TBL1XR1: variants seen among roughly 807,000 people sequenced by gnomAD.
TBL1XR1 encodes the protein TBL1X/Y related 1, also known as F-box-like/WD repeat-containing protein TBL1XR1.
A neutral mutation model predicts 66.9 loss-of-function variants in TBL1XR1; 5 were observed. That is an observed-to-expected ratio of 0.07 (90% CI 0.04 to 0.16). The LOEUF is 0.16. TBL1XR1 is among the 10% of genes least tolerant of loss of function. TBL1XR1 has a pLI of 1.00. For synonymous variants in TBL1XR1, 210 were observed against 206.0 expected, an observed-to-expected ratio of 1.02 and a Z score of -0.17; for missense variants, 238 against 623.2, an observed-to-expected ratio of 0.38 and a Z score of 6.58.
intron 1 of TBL1XR1, among the ~76,000 whole-genome samples, chr3:177,173,372 T>G (rs1733791641): frequency 6.6e-6 from 1 of 152,160 alleles, no homozygotes; most frequent in Non-Finnish European, 1.5e-5. Context: ...AACAGTAATT[T>G]CAGAGCGAAG....
chr3:177,157,514 C>T (rs148416384), intron 1 of TBL1XR1, among the ~76,000 whole-genome samples: 84 of 152,286 alleles, frequency 5.5e-4, no homozygotes, highest in African/African-American at 1.8e-3. Flanking sequence ...ATTCAGAACA[C>T]TCTGGGTTAT....
intron 1 of TBL1XR1, among the ~76,000 whole-genome samples, chr3:177,188,131 C>T (rs1735673965): frequency 6.6e-6 from 1 of 151,882 alleles, no homozygotes; most frequent in African/African-American, 2.4e-5. Context: ...GGGGTTTTAC[C>T]ATGTTGGTCA....
intron 1 of TBL1XR1, among the ~76,000 whole-genome samples, chr3:177,107,391 G>C (rs575078588): frequency 2.2e-4 from 34 of 152,302 alleles, no homozygotes; most frequent in African/African-American, 7.0e-4. Context: ...GACAGTATCA[G>C]CAAATGCTTT....
At chr3:177,176,415 T>G (rs894286319) in intron 1 of TBL1XR1, among the ~76,000 whole-genome samples, 2 of 149,696 alleles carry the variant, frequency 1.3e-5, no homozygotes, top group African/African-American at 4.9e-5. Flanking sequence ...CAGGCTGGTC[T>G]CGAACTCCTG....
intron 9 of TBL1XR1, among the ~76,000 whole-genome samples, chr3:177,046,512 T>C (rs1716346052): frequency 1.3e-5 from 2 of 152,182 alleles, no homozygotes; most frequent in African/African-American, 4.8e-5. Context: ...CTCGTATAGA[T>C]GTTTAGTAAG....
chr3:177,160,260 G>A (rs759465639), intron 1 of TBL1XR1, among the ~76,000 whole-genome samples: 10 of 152,094 alleles, frequency 6.6e-5, no homozygotes, highest in South Asian at 6.2e-4. Context: ...GCATCATGAC[G>A]TCAGGAGATC....
intron 14 of TBL1XR1, among the ~76,000 whole-genome samples, chr3:177,031,241 T>C (rs1713956010): frequency 6.6e-6 from 1 of 152,086 alleles, no homozygotes; most frequent in Non-Finnish European, 1.5e-5. Context: ...TTACAGAATA[T>C]ATCCAACATA....
intron 2 of TBL1XR1, among the ~76,000 whole-genome samples, chr3:177,090,762 G>T (rs1722727445): frequency 1.3e-5 from 2 of 152,250 alleles, no homozygotes; most frequent in East Asian, 3.9e-4. Flanking sequence ...AGTGAGCCAA[G>T]ATCACGCCAC....
chr3:177,059,908 T>C (rs370350383), intron 3 of TBL1XR1, among the ~76,000 whole-genome samples: 2 of 152,226 alleles, frequency 1.3e-5, no homozygotes, highest in African/African-American at 2.4e-5. Context: ...CTAGATTTGC[T>C]GAGTCTTCCA....
chr3:177,136,095 T>C (rs1169932473), intron 1 of TBL1XR1: 1 of 152,054 alleles, frequency 6.6e-6, no homozygotes, highest in Non-Finnish European at 1.5e-5. Flanking sequence ...GTAAAATAAA[T>C]TTAGTGAGCC....
intron 10 of TBL1XR1, among the ~76,000 whole-genome samples, chr3:177,043,535 G>C (rs1187892265): frequency 6.6e-6 from 1 of 152,032 alleles, no homozygotes. Flanking sequence ...CACTTGATTA[G>C]TGATAGCATG....
At chr3:177,133,723 G>A (rs1728573824) in intron 1 of TBL1XR1, among the ~76,000 whole-genome samples, 2 of 151,804 alleles carry the variant, frequency 1.3e-5, no homozygotes, top group Admixed American at 1.3e-4. Context: ...CCAACATGGT[G>A]AAACCCCATC....
intron 1 of TBL1XR1, among the ~76,000 whole-genome samples, chr3:177,151,496 C>T (rs1415959027): frequency 6.6e-6 from 1 of 152,208 alleles, no homozygotes; most frequent in Admixed American, 6.5e-5. Context: ...GGGACTTAGA[C>T]TGTACGCTCC....
At chr3:177,060,179 C>A (rs1560128408) in intron 3 of TBL1XR1, among the ~76,000 whole-genome samples, 1 of 152,150 alleles carries the variant, frequency 6.6e-6, no homozygotes, top group Non-Finnish European at 1.5e-5. Context: ...AGTCAATTCC[C>A]CCTAATAAGC....
intron 1 of TBL1XR1, among the ~76,000 whole-genome samples, chr3:177,193,252 A>G (rs755281393): frequency 1.1e-4 from 16 of 149,868 alleles, no homozygotes; most frequent in African/African-American, 3.9e-4. Context: ...CTGAGTTTGA[A>G]CTCACTTTAA....
Position 177,020,744 on chromosome 3 carries a change from A to G in TBL1XR1, c.*4754T>C, listed in dbSNP as rs1358845239. ...GACATCAAAGGTTTTATATATGTAC[A>G]CAGCCAACATAATATCAAAATATAT... On this transcript the variant is annotated 3_prime_UTR_variant, in exon 16 of 16. Transcript: ENST00000457928. The G allele has an allele frequency of 6.6e-6, 1 of 152,228 alleles. No homozygotes were observed. Among genetic ancestry groups the G allele is most frequent in the Non-Finnish European group, 1.5e-5 (1 of 68,032 alleles). The allele number at this position is 152,228 out of a possible 1,614,324, so 9.4% of individuals were successfully genotyped here.
intron 1 of TBL1XR1, among the ~76,000 whole-genome samples, chr3:177,180,888 G>A (rs1221486355): frequency 2.0e-5 from 3 of 151,764 alleles, no homozygotes; most frequent in East Asian, 1.9e-4. Context: ...AGGCCACCAC[G>A]CCCTGCTAGT....
intron 1 of TBL1XR1, among the ~76,000 whole-genome samples, chr3:177,119,741 G>A (rs190022219): frequency 9.2e-5 from 14 of 152,262 alleles, no homozygotes; most frequent in African/African-American, 2.6e-4. Flanking sequence ...GCATACTTGC[G>A]TGGCTAGAAG....
At chr3:177,190,048 G>A (rs1439393789) in intron 1 of TBL1XR1, among the ~76,000 whole-genome samples, 4 of 144,958 alleles carry the variant, frequency 2.8e-5, no homozygotes, top group East Asian at 4.4e-4. Flanking sequence ...CAGGAAAATC[G>A]CTTGAACCCA....
Sources: allele counts gnomAD v4.1 joint callset (sites outside exome capture counted in the v4.1 genomes callset), GRCh38; gene constraint gnomAD v4.1.1; transcripts MANE v1.5; gene names NCBI Gene and HGNC (gene_info 2026-07-23, HGNC 2026-07-21).